ASS1: variants seen among roughly 807,000 people sequenced by gnomAD.
ASS1 encodes the protein argininosuccinate synthase.
A neutral mutation model predicts 60.5 loss-of-function variants in ASS1; 58 were observed. The ratio of observed to expected loss-of-function variants is 0.96; its 90% CI spans 0.78 to 1.19. The LOEUF (loss-of-function observed/expected upper bound fraction) is 1.19. ASS1 is among the 50% of genes most tolerant of loss of function. The probability of loss-of-function intolerance (pLI) is 0.00; values close to 1 mark genes in which losing one functional copy is unlikely to be tolerated. For synonymous variants in ASS1, 200 were observed against 206.9 expected, an observed-to-expected ratio of 0.97 and a Z score of 0.29; for missense variants, 454 against 547.3, an observed-to-expected ratio of 0.83 and a Z score of 1.70.
intron 5 of ASS1, 34 bp downstream of exon 5, chr9:130,464,201 C>T (rs1845671838): frequency 3.1e-6 from 5 of 1,604,434 alleles, no homozygotes; most frequent in South Asian, 1.1e-5. Context: ...GCAGGGAGCA[C>T]TAGCATCTGC....
At position 130,450,062 on chromosome 9, in the gene ASS1, G is replaced by A. The variant is rs367775083; in HGVS notation, c.-5-2162G>A. On this transcript the variant is annotated intron_variant, in intron 1 of 14. Coordinates refer to ENST00000352480, the MANE Select transcript of ASS1 (RefSeq NM_054012.4). ...AACCACACCACCCGCGCCATCACAC[G>A]CAAACAGGGGTAGGCTTCCACATAT... 3.9e-5 allele frequency among the ~76,000 whole-genome samples: 6 copies of A among 152,278 alleles called. 1 individual carries two copies. Among genetic ancestry groups the A allele is most frequent in the South Asian group, 2.1e-4 (1 of 4,820 alleles).
chr9:130,455,198 TC>T (rs1051931183), intron 3 of ASS1, among the ~76,000 whole-genome samples: 19 of 150,066 alleles, frequency 1.3e-4, no homozygotes, highest in African/African-American at 3.9e-4. Context: ...CCATCCATCA[TC>T]TACCCATGCA....
At chr9:130,474,457 G>A (rs999716230) in intron 8 of ASS1, among the ~76,000 whole-genome samples, 1 of 152,298 alleles carries the variant, frequency 6.6e-6, no homozygotes, top group African/African-American at 2.4e-5. Flanking sequence ...TTGACAGTCG[G>A]GCCCAGCGCA....
At chr9:130,457,886 C>T (rs1024111365) in intron 3 of ASS1, among the ~76,000 whole-genome samples, 5 of 152,124 alleles carry the variant, frequency 3.3e-5, no homozygotes, top group African/African-American at 4.8e-5. Context: ...AGGCTGGCCG[C>T]GGTGGCTTGT....
intron 11 of ASS1, among the ~76,000 whole-genome samples, chr9:130,484,799 GCACACACACACACA>G (rs3030699): frequency 3.4e-5 from 5 of 146,604 alleles, no homozygotes; most frequent in Non-Finnish European, 7.5e-5. Flanking sequence ...AGCTTTAAAC[GCACACACACACACA>G]CACACACACA....
intron 11 of ASS1, among the ~76,000 whole-genome samples, chr9:130,484,050 G>A (rs529417085): frequency 5.3e-5 from 8 of 152,208 alleles, no homozygotes; most frequent in African/African-American, 1.4e-4. Context: ...GATGGGGCCC[G>A]CCAGGCACCA....
intron 1 of ASS1, among the ~76,000 whole-genome samples, chr9:130,450,516 G>A (rs1194477440): frequency 6.6e-6 from 1 of 152,186 alleles, no homozygotes; most frequent in Non-Finnish European, 1.5e-5. Context: ...TGTGGGCACC[G>A]ACCAGAACCA....
chr9:130,471,053 C>T (rs956783183), intron 7 of ASS1, 149 bp downstream of exon 7: 26 of 888,776 alleles, frequency 2.9e-5, no homozygotes, highest in African/African-American at 2.1e-4. Flanking sequence ...GAGGTCGAAG[C>T]GCCCGGCTCA....
At chr9:130,480,552 G>A in intron 11 of ASS1, 103 bp downstream of exon 11, 3 of 1,246,852 alleles carry the variant, frequency 2.4e-6, no homozygotes, top group South Asian at 1.3e-5. Context: ...CATGCTCCGT[G>A]GGCGACCTTG....
chr9:130,445,247 C>T, intron 1 of ASS1: 3 of 106,654 alleles, frequency 2.8e-5, no homozygotes, highest in Non-Finnish European at 4.0e-5. Flanking sequence ...CCCGGGGGCG[C>T]GAGTCCCCGG....
chr9:130,469,453 CA>C (rs1845820696), intron 6 of ASS1, among the ~76,000 whole-genome samples: 1 of 151,900 alleles, frequency 6.6e-6, no homozygotes, highest in Non-Finnish European at 1.5e-5. Context: ...CTCTGTCACC[CA>C]AGCTGGGGTG....
chr9:130,457,341 C>T (rs1297184896), intron 3 of ASS1, among the ~76,000 whole-genome samples: 2 of 152,184 alleles, frequency 1.3e-5, no homozygotes, highest in Non-Finnish European at 2.9e-5. Flanking sequence ...CGTGGTAGCA[C>T]ATGCCCGTAG....
intron 11 of ASS1, among the ~76,000 whole-genome samples, chr9:130,484,593 C>T (rs1275387286): frequency 2.0e-5 from 3 of 152,102 alleles, no homozygotes; most frequent in Non-Finnish European, 2.9e-5. Flanking sequence ...CAAAGATGTC[C>T]GTTGTCTCTT....
intron 13 of ASS1, among the ~76,000 whole-genome samples, chr9:130,496,510 G>A (rs1846605776): frequency 2.7e-5 from 4 of 150,558 alleles, no homozygotes; most frequent in Admixed American, 2.0e-4. Flanking sequence ...AGGATCACTT[G>A]AGCCCAGGAG....
chr9:130,451,742 G>T, intron 1 of ASS1: 2 of 423,790 alleles, frequency 4.7e-6, no homozygotes, highest in South Asian at 1.7e-5. Context: ...TTGTAGTGGG[G>T]GCTCAGGGGC....
At position 130,491,242 on chromosome 9, in the gene ASS1, G is replaced by A. The variant is rs892584595; in HGVS notation, c.970+1778G>A. ...TCTCCTGCAGGCTTTCCAGCCCGGC[G>A]GGATTGCGACCCCGAAAGGAGGATT... is the stretch of plus-strand genomic sequence containing the variant. On this transcript the variant is annotated intron_variant, in intron 12 of 14. Coordinates refer to ENST00000352480, the MANE Select transcript of ASS1 (RefSeq NM_054012.4). This position sits in a 1 kb window ranked among gnomAD's most constrained non-coding sequence, Gnocchi z 5.3. Among the ~76,000 whole-genome samples the A allele has an allele frequency of 3.3e-5, 5 of 152,144 alleles. No homozygotes were observed. The highest frequency in any genetic ancestry group is 5.9e-5 in the Non-Finnish European group (4 of 68,026).
At chr9:130,484,652 A>G (rs1846258496) in intron 11 of ASS1, among the ~76,000 whole-genome samples, 1 of 151,908 alleles carries the variant, frequency 6.6e-6, no homozygotes, top group African/African-American at 2.4e-5. Flanking sequence ...CTCTCTGCGC[A>G]GTGGTTTGTA....
intron 13 of ASS1, among the ~76,000 whole-genome samples, chr9:130,496,247 C>A (rs770095477): frequency 6.6e-6 from 1 of 151,848 alleles, no homozygotes; most frequent in East Asian, 1.9e-4. Flanking sequence ...ATAGTGAGAC[C>A]TCATCTCTAC....
chr9:130,475,741 G>GTTT (rs35568745), intron 8 of ASS1, among the ~76,000 whole-genome samples: 28 of 101,362 alleles, frequency 2.8e-4, no homozygotes, highest in Non-Finnish European at 3.7e-4. Context: ...TGTGCAAGGT[G>GTTT]TTTTTTTTTT....
Sources: allele counts gnomAD v4.1 joint callset (sites outside exome capture counted in the v4.1 genomes callset), GRCh38; gene constraint gnomAD v4.1.1; non-coding constraint Gnocchi (gnomAD v3.1); transcripts MANE v1.5; gene names NCBI Gene and HGNC (gene_info 2026-07-23, HGNC 2026-07-21).